Variants in SMOC2 observed in about 807,000 individuals in gnomAD.
SMOC2 encodes SPARC related modular calcium binding 2.
Under a neutral mutation model 61.4 loss-of-function variants are expected in SMOC2, and 39 were observed. The observed-to-expected ratio is 0.64, with a 90% CI of 0.49 to 0.83. The LOEUF is 0.83. SMOC2 is among the 40% of genes least tolerant of loss of function. The pLI is 0.00. For synonymous variants in SMOC2, 247 were observed against 239.9 expected, an observed-to-expected ratio of 1.03 and a Z score of -0.27; for missense variants, 556 against 592.9, an observed-to-expected ratio of 0.94 and a Z score of 0.65.
chr6:168,492,610 A>G (rs1360603200), intron 1 of SMOC2, among the ~76,000 whole-genome samples: 1 of 152,254 alleles, frequency 6.6e-6, no homozygotes, highest in Non-Finnish European at 1.5e-5. Context: ...ACATGATTAA[A>G]TAAAAAGTAT....
At chr6:168,614,648 C>A (rs1377487835) in intron 9 of SMOC2, among the ~76,000 whole-genome samples, 3 of 106,044 alleles carry the variant, frequency 2.8e-5, no homozygotes, top group East Asian at 3.4e-4. Flanking sequence ...TTCACACCTA[C>A]AGCCAGCACA....
At chr6:168,519,631 C>T (rs1445560701) in intron 2 of SMOC2, among the ~76,000 whole-genome samples, 1 of 152,110 alleles carries the variant, frequency 6.6e-6, no homozygotes, top group Non-Finnish European at 1.5e-5. Flanking sequence ...GCTTTAGTGG[C>T]ACCACCAAAC....
At chr6:168,519,373 A>G (rs1245849147) in intron 2 of SMOC2, among the ~76,000 whole-genome samples, 5 of 152,176 alleles carry the variant, frequency 3.3e-5, no homozygotes, top group Admixed American at 2.0e-4. Context: ...TTCTTCCAGC[A>G]GACACAGTTA....
At chr6:168,546,555 C>T (rs1294466500) in intron 5 of SMOC2, among the ~76,000 whole-genome samples, 5 of 152,156 alleles carry the variant, frequency 3.3e-5, no homozygotes, top group Non-Finnish European at 7.3e-5. Context: ...CTGTCCCCTC[C>T]ACCCCGTGCC....
intron 7 of SMOC2, among the ~76,000 whole-genome samples, chr6:168,563,747 G>T (rs1784478215): frequency 6.6e-6 from 1 of 152,222 alleles, no homozygotes; most frequent in Non-Finnish European, 1.5e-5. Flanking sequence ...GAATCTGCCA[G>T]AACCTTGATC....
chr6:168,464,204 AGG>A, intron 1 of SMOC2, among the ~76,000 whole-genome samples: 4 of 146,164 alleles, frequency 2.7e-5, no homozygotes, highest in South Asian at 2.2e-4. Context: ...AAAAAAAAAG[AGG>A]AAGGAAGAAA....
chr6:168,645,409 A>C (rs934519960), intron 9 of SMOC2, among the ~76,000 whole-genome samples: 1 of 152,200 alleles, frequency 6.6e-6, no homozygotes, highest in Non-Finnish European at 1.5e-5. Flanking sequence ...CAGACAGAGA[A>C]ACCTCTGCCT....
At position 168,452,225 on chromosome 6, in the gene SMOC2, G is replaced by A. The variant is rs1464782041; in HGVS notation, c.84+10771G>A. Among the ~76,000 whole-genome samples the A allele has an allele frequency of 6.6e-6, 1 of 152,144 alleles. No individual in the cohort carries two copies. The highest frequency in any genetic ancestry group is 1.5e-5 in the Non-Finnish European group (1 of 68,038). ...GCTAAATTAGGGAATTAAAAAGCAG[G>A]GACATTTTAGCTTGATGTTTCTACT... On this transcript the variant is annotated intron_variant, in intron 1 of 12. Coordinates refer to ENST00000356284, the MANE Select transcript of SMOC2 (RefSeq NM_001166412.2). This position sits in a 1 kb window ranked among gnomAD's most constrained non-coding sequence, Gnocchi z 5.0.
At chr6:168,467,644 G>A (rs1781875266) in intron 1 of SMOC2, among the ~76,000 whole-genome samples, 1 of 151,936 alleles carries the variant, frequency 6.6e-6, no homozygotes, top group South Asian at 2.1e-4. Flanking sequence ...TTGTAGAGAT[G>A]GGATCTTACT....
At chr6:168,555,742 G>A (rs1287004701) in intron 7 of SMOC2, among the ~76,000 whole-genome samples, 1 of 152,214 alleles carries the variant, frequency 6.6e-6, no homozygotes, top group Non-Finnish European at 1.5e-5. Flanking sequence ...CTGCAGCGGG[G>A]AGTGGCCGCC....
chr6:168,550,240 C>T (rs184584107), intron 7 of SMOC2, among the ~76,000 whole-genome samples: 21 of 152,238 alleles, frequency 1.4e-4, no homozygotes, highest in East Asian at 5.8e-4. Context: ...GAATTTTCTG[C>T]GATCAGCTTT....
chr6:168,510,276 A>C lies in SMOC2; in HGVS notation c.256+190A>C, dbSNP rs149078707. On this transcript the variant is annotated intron_variant, in intron 2 of 12. Coordinates refer to ENST00000356284, the MANE Select transcript of SMOC2 (RefSeq NM_001166412.2). Reference sequence around the variant, plus strand: ...AGAGCAGTCTTTTTTTACTTGTCTAATATTCTTTTCTTAGAATGCCTTATT... The same window carrying C: ...AGAGCAGTCTTTTTTTACTTGTCTACTATTCTTTTCTTAGAATGCCTTATT... 3.3e-5 allele frequency among the ~76,000 whole-genome samples: 5 copies of C among 152,340 alleles called. No homozygotes were observed. In the East Asian group the frequency reaches 9.6e-4, roughly 29 times the overall value.
At chr6:168,631,559 A>G (rs1786570157) in intron 9 of SMOC2, among the ~76,000 whole-genome samples, 2 of 152,192 alleles carry the variant, frequency 1.3e-5, no homozygotes, top group South Asian at 4.1e-4. Context: ...AGACATGAAA[A>G]CTTAAGGATT....
chr6:168,514,321 A>G (rs1483717662), intron 2 of SMOC2, among the ~76,000 whole-genome samples: 1 of 151,740 alleles, frequency 6.6e-6, no homozygotes, highest in Non-Finnish European at 1.5e-5. Flanking sequence ...CCGATACTCT[A>G]CTGCTAGAAG....
intron 1 of SMOC2, among the ~76,000 whole-genome samples, chr6:168,481,056 C>T (rs116099294): frequency 7.8e-4 from 118 of 152,180 alleles, no homozygotes; most frequent in African/African-American, 2.8e-3. Flanking sequence ...AGTTTCTTAC[C>T]AGTAAACCTT....
chr6:168,633,115 C>A (rs2115249696), intron 9 of SMOC2, among the ~76,000 whole-genome samples: 1 of 152,324 alleles, frequency 6.6e-6, no homozygotes, highest in East Asian at 1.9e-4. Context: ...GAGATGACTT[C>A]ATTTTCCTCC....
intron 2 of SMOC2, among the ~76,000 whole-genome samples, chr6:168,517,856 G>A (rs577777401): frequency 7.2e-5 from 11 of 152,264 alleles, no homozygotes; most frequent in African/African-American, 2.4e-4. Flanking sequence ...GTGGAGGGCG[G>A]GCTCTGCAGG....
Position 168,640,239 on chromosome 6 carries a change from C to T in SMOC2, c.908-10442C>T, listed in dbSNP as rs1180731731. On this transcript the variant is annotated intron_variant, in intron 9 of 12. Transcript: ENST00000356284. ...TGTGTTGCGGTTGTGTTGTGGTAGTCGCTGTGTGGTTGCCAACTCAGAAGG... is the reference window on the plus strand; with the variant it reads ...TGTGTTGCGGTTGTGTTGTGGTAGTTGCTGTGTGGTTGCCAACTCAGAAGG... 9.5e-5 allele frequency among the ~76,000 whole-genome samples: 10 copies of T among 105,350 alleles called. 1 individual carries two copies. The highest frequency in any genetic ancestry group is 6.3e-4 in the South Asian group (2 of 3,176). The allele number at this position is 105,350 out of a possible 152,430, so 69.1% of individuals were successfully genotyped here.
intron 2 of SMOC2, among the ~76,000 whole-genome samples, chr6:168,516,122 ACAATT>A (rs2115059129): frequency 6.6e-6 from 1 of 152,262 alleles, no homozygotes; most frequent in African/African-American, 2.4e-5. Context: ...CTATTTGGAA[ACAATT>A]CAAATAGTTT....
Sources: gnomAD v4.1 joint callset for allele counts (sites outside exome capture counted in the v4.1 genomes callset) on GRCh38, gnomAD v4.1.1 for gene constraint, Gnocchi (gnomAD v3.1) non-coding constraint, MANE v1.5 for transcripts, NCBI Gene and HGNC (gene_info 2026-07-23, HGNC 2026-07-21) for gene names.